The following PRKG1 variants were observed in gnomAD, a reference collection of about 807,000 sequenced individuals.
The protein encoded by PRKG1 is cGMP-dependent protein kinase 1.
A neutral mutation model predicts 88.1 loss-of-function variants in PRKG1; 35 were observed. The observed-to-expected ratio is 0.40, with a 90% CI of 0.30 to 0.53. PRKG1 has a LOEUF of 0.53. Ranked by LOEUF, PRKG1 falls within the 20% of genes least tolerant of loss-of-function variation. The pLI, the probability that PRKG1 is intolerant of heterozygous loss-of-function variation, is 0.59. For missense variants in PRKG1, 540 were observed against 839.8 expected, an observed-to-expected ratio of 0.64 and a Z score of 4.41; for synonymous variants, 303 against 292.5, an observed-to-expected ratio of 1.04 and a Z score of -0.37.
chr10:52,132,088 A>AT (rs1232741982), intron 7 of PRKG1, among the ~76,000 whole-genome samples: 1 of 152,044 alleles, frequency 6.6e-6, no homozygotes, highest in Non-Finnish European at 1.5e-5. Flanking sequence ...CATTTTTTAA[A>AT]TATCGGGACC....
intron 5 of PRKG1, among the ~76,000 whole-genome samples, chr10:52,045,198 T>G (rs1304590675): frequency 6.6e-6 from 1 of 151,952 alleles, no homozygotes; most frequent in Non-Finnish European, 1.5e-5. Flanking sequence ...TGACCATACA[T>G]AGCTGGTCAG....
intron 2 of PRKG1, among the ~76,000 whole-genome samples, chr10:51,342,860 C>T (rs1588861897): frequency 6.6e-6 from 1 of 152,286 alleles, no homozygotes; most frequent in East Asian, 1.9e-4. Context: ...GAATATTCAT[C>T]TGTGTTAGAT....
At chr10:51,282,460 G>A (rs1169390941) in intron 2 of PRKG1, among the ~76,000 whole-genome samples, 1 of 152,118 alleles carries the variant, frequency 6.6e-6, no homozygotes, top group African/African-American at 2.4e-5. Flanking sequence ...TGTGAGAATT[G>A]GGATAATTAC....
At chr10:51,754,710 G>A (rs1029346085) in intron 3 of PRKG1, among the ~76,000 whole-genome samples, 14 of 152,134 alleles carry the variant, frequency 9.2e-5, no homozygotes, top group African/African-American at 2.2e-4. Flanking sequence ...AGTAGTCACC[G>A]TTGCTGCCTT....
chr10:51,286,672 C>T (rs1309791745), intron 2 of PRKG1, among the ~76,000 whole-genome samples: 1 of 152,142 alleles, frequency 6.6e-6, no homozygotes, highest in African/African-American at 2.4e-5. Context: ...TCATTTCAAA[C>T]ATTTGTCATT....
At chr10:51,190,993 G>A (rs1444328475) in intron 2 of PRKG1, among the ~76,000 whole-genome samples, 2 of 151,700 alleles carry the variant, frequency 1.3e-5, no homozygotes, top group African/African-American at 2.4e-5. Context: ...CCATACCTTC[G>A]GTCTTTCCCT....
chr10:51,505,840 G>A (rs185326773), intron 3 of PRKG1, among the ~76,000 whole-genome samples: 2,801 of 151,746 alleles, frequency 0.018, 43 homozygotes, highest in Non-Finnish European at 0.031. Flanking sequence ...TTTTTATTGC[G>A]TCTATTTGAT....
chr10:51,212,091 C>T (rs1263532279), intron 2 of PRKG1, among the ~76,000 whole-genome samples: 1 of 152,130 alleles, frequency 6.6e-6, no homozygotes, highest in Non-Finnish European at 1.5e-5. Flanking sequence ...GTAACCAAAA[C>T]AGCATGATAC....
chr10:52,180,516 T>C (rs1838989592), intron 9 of PRKG1, among the ~76,000 whole-genome samples: 2 of 152,214 alleles, frequency 1.3e-5, no homozygotes, highest in African/African-American at 4.8e-5. Flanking sequence ...AATTTTATTG[T>C]ATAGGTTGGA....
At chr10:51,721,226 A>AAAG in intron 3 of PRKG1, among the ~76,000 whole-genome samples, 1 of 151,370 alleles carries the variant, frequency 6.6e-6, no homozygotes, top group African/African-American at 2.4e-5. Flanking sequence ...AAAAAAAAAA[A>AAAG]AAAAAAGAAA....
At chr10:51,107,862 C>T (rs1844883825) in intron 1 of PRKG1, among the ~76,000 whole-genome samples, 2 of 142,086 alleles carry the variant, frequency 1.4e-5, no homozygotes, top group Admixed American at 7.0e-5. Context: ...CAGACTTAAT[C>T]AGCAAAGAGG....
At chr10:52,163,225 TTGTGTG>T (rs150295348) in intron 9 of PRKG1, among the ~76,000 whole-genome samples, 1 of 146,764 alleles carries the variant, frequency 6.8e-6, no homozygotes, top group Non-Finnish European at 1.5e-5. Context: ...TTTCGTGTGT[TTGTGTG>T]TGTGTGTGTG....
intron 7 of PRKG1, among the ~76,000 whole-genome samples, chr10:52,094,497 A>G (rs1847129844): frequency 6.6e-6 from 1 of 152,154 alleles, no homozygotes; most frequent in African/African-American, 2.4e-5. Context: ...CACCGTTCAT[A>G]TATTTAAACA....
chr10:51,459,425 C>G (rs928330504), intron 2 of PRKG1, among the ~76,000 whole-genome samples: 1 of 152,060 alleles, frequency 6.6e-6, no homozygotes, highest in African/African-American at 2.4e-5. Context: ...TGACTCTGCT[C>G]TTTTTCCCTT....
intron 2 of PRKG1, among the ~76,000 whole-genome samples, chr10:51,301,750 C>T (rs888795442): frequency 2.0e-5 from 3 of 152,164 alleles, no homozygotes; most frequent in Non-Finnish European, 4.4e-5. Context: ...GTAAGAAGCC[C>T]TGTTGTAATT....
At chr10:52,275,811 A>T (rs1289570516) in intron 12 of PRKG1, among the ~76,000 whole-genome samples, 1 of 152,122 alleles carries the variant, frequency 6.6e-6, no homozygotes, top group Non-Finnish European at 1.5e-5. Context: ...ACACATGAGC[A>T]TGGGATGTTT....
rs192005062 is a variant in PRKG1, at chr10:51,433,057, C to T, written c.479-34666C>T. On this transcript the variant is annotated intron_variant, in intron 2 of 17. Transcript: ENST00000373980. ...CAAGTGAATCTTGGGACATTATGAGCTAAGAGAACATAGCACGCAGTGGAT... is the reference window on the plus strand; with the variant it reads ...CAAGTGAATCTTGGGACATTATGAGTTAAGAGAACATAGCACGCAGTGGAT... Among the ~76,000 whole-genome samples, 787 of 152,214 alleles carry T rather than the reference C, an allele frequency of 5.2e-3. 5 individuals are homozygous for T. The highest frequency in any genetic ancestry group is 8.8e-3 in the Non-Finnish European group (597 of 68,002).
At chr10:51,958,120 C>G (rs1417788626) in intron 5 of PRKG1, among the ~76,000 whole-genome samples, 1 of 152,014 alleles carries the variant, frequency 6.6e-6, no homozygotes, top group Non-Finnish European at 1.5e-5. Flanking sequence ...TTGACTAGAG[C>G]AGATGTTCCC....
chr10:51,205,079 C>T lies in PRKG1; in HGVS notation c.478+51749C>T, dbSNP rs140626755. On this transcript the variant is annotated intron_variant, in intron 2 of 17. Coordinates refer to ENST00000373980, the MANE Select transcript of PRKG1 (RefSeq NM_006258.4). The stretch of plus-strand genomic sequence containing the variant: ...AAATATAGCTCAGATATTATCCCCT[C>T]TATTAAACCTTTCTTTGTTTCATAA... 2.3e-4 allele frequency among the ~76,000 whole-genome samples: 32 copies of T among 141,560 alleles called. No homozygotes were observed. In the East Asian group the frequency reaches 6.5e-3, roughly 29 times the overall value. 92.9% of individuals were successfully genotyped at this position (141,560 alleles called of 152,430 possible).
Sources: gnomAD v4.1 joint callset for allele counts (sites outside exome capture counted in the v4.1 genomes callset) on GRCh38, gnomAD v4.1.1 for gene constraint, MANE v1.5 for transcripts, NCBI Gene and HGNC (gene_info 2026-07-23, HGNC 2026-07-21) for gene names.